ATXN7L1: variants seen among roughly 807,000 people sequenced by gnomAD.
The protein encoded by ATXN7L1 is ataxin-7-like protein 1.
In ATXN7L1, 15 loss-of-function variants were observed where a neutral mutation model predicts 70.8. The observed-to-expected ratio is 0.21, with a 90% CI of 0.14 to 0.33. The LOEUF (loss-of-function observed/expected upper bound fraction) is 0.33. Among genes scored for constraint, ATXN7L1 ranks in the 10% least tolerant of loss-of-function variants. The pLI, the probability that ATXN7L1 is intolerant of heterozygous loss-of-function variation, is 1.00. For synonymous variants in ATXN7L1, 440 were observed against 445.1 expected (o/e 0.99, Z 0.14); for missense variants, 975 against 1,097.1 (o/e 0.89, Z 1.57).
At chr7:105,648,628 G>A (rs192954623) in intron 4 of ATXN7L1, among the ~76,000 whole-genome samples, 10 of 151,876 alleles carry the variant, frequency 6.6e-5, no homozygotes, top group East Asian at 1.9e-4. Flanking sequence ...CACAGATCCC[G>A]CGTGTGCCTA....
rs1450253824 is a variant in ATXN7L1 at position 105,651,784 on chromosome 7, C to T, written c.579-8663G>A. 2.0e-5 allele frequency among the ~76,000 whole-genome samples: 3 copies of T among 152,166 alleles called. No individual in the cohort carries two copies. In the East Asian group the frequency reaches 5.8e-4, roughly 29 times the overall value. On this transcript the variant is annotated intron_variant, in intron 4 of 11. Transcript: ENST00000419735. ...TCTGGAAGAGGAGTAAGGAGGAACT[C>T]CAGCCTCCTCATGCACAAACATGTT...
rs1311215779 is a variant in ATXN7L1, at chr7:105,694,756, AG to A, written c.356-29469del. 4.6e-5 allele frequency among the ~76,000 whole-genome samples: 7 copies of A among 152,240 alleles called. 1 individual carries two copies. Among genetic ancestry groups the A allele is most frequent in the African/African-American group, 1.4e-4 (6 of 41,462 alleles). On this transcript the variant is annotated intron_variant, in intron 3 of 11. Coordinates refer to ENST00000419735, the MANE Select transcript of ATXN7L1 (RefSeq NM_020725.2). ...CACACTGCAAACCACAAACAGCCCT[AG>A]GTCTTCCAACTCCTGGCCCGGCCCT...
intron 2 of ATXN7L1, among the ~76,000 whole-genome samples, chr7:105,856,535 G>C (rs1051008545): frequency 6.8e-6 from 1 of 146,874 alleles, no homozygotes; most frequent in Non-Finnish European, 1.5e-5. Flanking sequence ...GCAGTGAGCC[G>C]AGATAGTGCC....
chr7:105,849,189 C>T (rs1030706934), intron 2 of ATXN7L1, among the ~76,000 whole-genome samples: 8 of 152,216 alleles, frequency 5.3e-5, no homozygotes, highest in Non-Finnish European at 1.5e-5. Context: ...TGGACAATCT[C>T]AACAGGGCTT....
chr7:105,723,527 A>G (rs1017351659), intron 3 of ATXN7L1, among the ~76,000 whole-genome samples: 2 of 152,090 alleles, frequency 1.3e-5, no homozygotes, highest in African/African-American at 4.8e-5. Flanking sequence ...GTTATGGAAG[A>G]CTCAACAGAT....
chr7:105,823,236 G>T (rs527815298), intron 2 of ATXN7L1, among the ~76,000 whole-genome samples: 5 of 152,200 alleles, frequency 3.3e-5, no homozygotes, highest in African/African-American at 1.2e-4. Context: ...CTACAAAGTC[G>T]AAGGCTGACA....
chr7:105,711,332 A>G (rs1312043487), intron 3 of ATXN7L1, among the ~76,000 whole-genome samples: 2 of 152,176 alleles, frequency 1.3e-5, no homozygotes, highest in African/African-American at 4.8e-5. Context: ...TCCCTTCTCA[A>G]CAGTTTCCCA....
intron 2 of ATXN7L1, among the ~76,000 whole-genome samples, chr7:105,862,009 T>C (rs1190073269): frequency 6.6e-6 from 1 of 152,210 alleles, no homozygotes; most frequent in Admixed American, 6.5e-5. Context: ...CTGCCCCGCT[T>C]CTGCAAAAGA....
rs140254334 is a variant in ATXN7L1, at chr7:105,681,128, T to C, written c.356-15840A>G. ...ACAAAAACAGGCAGGTTCAATCTAATTTAAAAATGGGCAAAGGGCTGGGCA... is the reference window on the plus strand; with the variant it reads ...ACAAAAACAGGCAGGTTCAATCTAACTTAAAAATGGGCAAAGGGCTGGGCA... On this transcript the variant is annotated intron_variant, in intron 3 of 11. Transcript: ENST00000419735. Among the ~76,000 whole-genome samples, 556 of 152,302 alleles carry C rather than the reference T, an allele frequency of 3.7e-3. 3 individuals carry two copies. Among genetic ancestry groups the C allele is most frequent in the African/African-American group, 0.013 (528 of 41,564 alleles).
chr7:105,618,811 A>G (rs1794314679), intron 9 of ATXN7L1, among the ~76,000 whole-genome samples: 1 of 152,226 alleles, frequency 6.6e-6, no homozygotes, highest in African/African-American at 2.4e-5. Flanking sequence ...GCCTTACATT[A>G]TCAAGCGGCC....
At chr7:105,828,866 A>G (rs1397535593) in intron 2 of ATXN7L1, among the ~76,000 whole-genome samples, 1 of 152,210 alleles carries the variant, frequency 6.6e-6, no homozygotes, top group African/African-American at 2.4e-5. Flanking sequence ...GAAGCAATAC[A>G]TGGACTCCAC....
intron 3 of ATXN7L1, among the ~76,000 whole-genome samples, chr7:105,672,297 A>C (rs570064028): frequency 6.6e-6 from 1 of 151,870 alleles, no homozygotes; most frequent in Non-Finnish European, 1.5e-5. Context: ...TGCCCCCCCC[A>C]AAAAAGAGAG....
At chr7:105,832,969 C>T (rs549849379) in intron 2 of ATXN7L1, among the ~76,000 whole-genome samples, 1 of 152,280 alleles carries the variant, frequency 6.6e-6, no homozygotes, top group South Asian at 2.1e-4. Context: ...ACCTTTACCC[C>T]AGAAGAGCAG....
intron 2 of ATXN7L1, among the ~76,000 whole-genome samples, chr7:105,836,000 A>G (rs1812317924): frequency 6.6e-6 from 1 of 152,186 alleles, no homozygotes; most frequent in Admixed American, 6.5e-5. Flanking sequence ...AGTCTTCAGA[A>G]ACTGTGAGAA....
chr7:105,814,131 G>C (rs889758706), intron 2 of ATXN7L1, among the ~76,000 whole-genome samples: 1 of 152,136 alleles, frequency 6.6e-6, no homozygotes, highest in African/African-American at 2.4e-5. Context: ...CATCTATCAG[G>C]TGCTCAGACC....
chr7:105,773,698 C>G (rs1802325252), intron 3 of ATXN7L1, among the ~76,000 whole-genome samples: 1 of 152,014 alleles, frequency 6.6e-6, no homozygotes, highest in African/African-American at 2.4e-5. Flanking sequence ...TAGTTCCTCC[C>G]CAGGATGTGC....
intron 4 of ATXN7L1, among the ~76,000 whole-genome samples, chr7:105,657,548 T>C (rs1800855082): frequency 6.6e-6 from 1 of 151,310 alleles, no homozygotes; most frequent in Non-Finnish European, 1.5e-5. Context: ...AACACAAAAA[T>C]TAGCCAGGCA....
chr7:105,650,098 A>G (rs1799622883), intron 4 of ATXN7L1, among the ~76,000 whole-genome samples: 2 of 152,226 alleles, frequency 1.3e-5, no homozygotes, highest in Admixed American at 6.5e-5. Flanking sequence ...GGCAGCTACT[A>G]TGAGGAAATT....
chr7:105,710,790 C>A (rs1366317015), intron 3 of ATXN7L1, among the ~76,000 whole-genome samples: 1 of 152,174 alleles, frequency 6.6e-6, no homozygotes, highest in Non-Finnish European at 1.5e-5. Flanking sequence ...TGTGAGAACT[C>A]ACTCACTATC....
Sources: gnomAD v4.1 joint callset for allele counts (sites outside exome capture counted in the v4.1 genomes callset) on GRCh38, gnomAD v4.1.1 for gene constraint, MANE v1.5 for transcripts, NCBI Gene and HGNC (gene_info 2026-07-23, HGNC 2026-07-21) for gene names.